Variants in UGGT2 observed in about 807,000 individuals in gnomAD.
UGGT2 encodes the protein UDP-glucose:glycoprotein glucosyltransferase 2.
Under a neutral mutation model 192.1 loss-of-function variants are expected in UGGT2, and 180 were observed. The observed-to-expected ratio is 0.94, with a 90% CI of 0.83 to 1.06. The LOEUF is 1.06. UGGT2 is among the 50% of genes least tolerant of loss of function. The pLI is 0.00. For synonymous variants in UGGT2, 580 were observed against 591.0 expected (o/e 0.98, Z 0.27); for missense variants, 1,849 against 1,795.7 (o/e 1.03, Z -0.54).
intron 17 of UGGT2, among the ~76,000 whole-genome samples, chr13:95,931,282 A>G (rs555378209): frequency 6.6e-6 from 1 of 152,226 alleles, no homozygotes; most frequent in East Asian, 1.9e-4. Flanking sequence ...ATCTTGAGCT[A>G]GACACAGAGT....
chr13:95,952,613 C>A (rs149312734), intron 12 of UGGT2, among the ~76,000 whole-genome samples: 1 of 152,018 alleles, frequency 6.6e-6, no homozygotes, highest in Non-Finnish European at 1.5e-5. Context: ...GCATGTGGAA[C>A]CCTTGGATAT....
intron 26 of UGGT2, among the ~76,000 whole-genome samples, chr13:95,885,982 G>C (rs2140207450): frequency 6.6e-6 from 1 of 152,134 alleles, no homozygotes; most frequent in East Asian, 1.9e-4. Flanking sequence ...AAAGTTAAGG[G>C]AGCAACTTTT....
At position 95,877,300 on chromosome 13, in the gene UGGT2, T is replaced by A; in HGVS notation, c.3452A>T (p.Glu1151Val). The change falls in exon 29 of 39, where the codon GAA (glutamate) becomes GTA (valine). Residue 1151 changes from glutamate (E) to valine (V), a missense_variant. Glu to Val is a moderately radical substitution (Grantham distance 121). Coordinates refer to ENST00000376747, the MANE Select transcript of UGGT2 (RefSeq NM_020121.4). ...WILRLHQGKS[E>V]DIYQIVGHEG... ...TCACCCAACTATTTGATAAATATCT[T>A]CAGATTTTCCTTGGTGTAACCTCAG... 2 of 1,602,614 alleles carry A rather than the reference T, an allele frequency of 1.2e-6. No homozygotes were observed. Among genetic ancestry groups the A allele is most frequent in the Non-Finnish European group, 1.7e-6 (2 of 1,175,992 alleles).
chr13:95,881,990 C>A (rs1266561268), intron 27 of UGGT2, among the ~76,000 whole-genome samples: 4 of 151,484 alleles, frequency 2.6e-5, no homozygotes, highest in African/African-American at 9.7e-5. Context: ...CTCACTGCAA[C>A]CTCTACCTCC....
intron 1 of UGGT2, among the ~76,000 whole-genome samples, chr13:96,045,256 G>A (rs544597842): frequency 3.3e-5 from 5 of 152,010 alleles, no homozygotes; most frequent in African/African-American, 9.7e-5. Context: ...CTCAATAGAC[G>A]CAGAAAAAGC....
chr13:96,004,883 T>C (rs890276806), intron 5 of UGGT2, among the ~76,000 whole-genome samples: 1 of 151,988 alleles, frequency 6.6e-6, no homozygotes, highest in Non-Finnish European at 1.5e-5. Context: ...TGGACAGATA[T>C]CAGAGGGCCT....
At chr13:96,007,317 A>C (rs1395973308) in intron 5 of UGGT2, among the ~76,000 whole-genome samples, 1 of 152,170 alleles carries the variant, frequency 6.6e-6, no homozygotes, top group African/African-American at 2.4e-5. Context: ...AATTAAGGCC[A>C]TATATGACAG....
intron 38 of UGGT2, among the ~76,000 whole-genome samples, chr13:95,816,653 T>C (rs1438525455): frequency 3.9e-5 from 6 of 152,240 alleles, no homozygotes; most frequent in Non-Finnish European, 8.8e-5. Flanking sequence ...ACTTATTCAA[T>C]GTATGGCACT....
At chr13:95,891,371 T>C (rs1377066445) in intron 24 of UGGT2, among the ~76,000 whole-genome samples, 1 of 152,106 alleles carries the variant, frequency 6.6e-6, no homozygotes, top group Non-Finnish European at 1.5e-5. Context: ...AATTTAGTAT[T>C]TCAAAAAATC....
At chr13:95,947,209 C>T in intron 14 of UGGT2, 37 bp from the exon 15 acceptor site, 1 of 1,529,650 alleles carries the variant, frequency 6.5e-7, no homozygotes, top group Non-Finnish European at 8.8e-7. Flanking sequence ...GTTATAATTA[C>T]CTCTTGAATC....
intron 24 of UGGT2, among the ~76,000 whole-genome samples, chr13:95,891,721 A>G (rs183069024): frequency 6.6e-6 from 1 of 152,292 alleles, no homozygotes; most frequent in Admixed American, 6.5e-5. Context: ...AGGATGAATT[A>G]ATTATACATT....
chr13:96,044,772 G>C (rs2053259255), intron 1 of UGGT2, among the ~76,000 whole-genome samples: 1 of 152,058 alleles, frequency 6.6e-6, no homozygotes, highest in South Asian at 2.1e-4. Flanking sequence ...TTCCTGGAAA[G>C]ATACAACCCT....
intron 17 of UGGT2, among the ~76,000 whole-genome samples, chr13:95,929,341 A>G (rs1289647785): frequency 3.9e-5 from 6 of 152,242 alleles, no homozygotes; most frequent in Non-Finnish European, 8.8e-5. Context: ...CAGATTGGTT[A>G]CAACACAGGT....
At chr13:95,981,147 C>A (rs2051111538) in intron 10 of UGGT2, among the ~76,000 whole-genome samples, 2 of 152,124 alleles carry the variant, frequency 1.3e-5, no homozygotes, top group African/African-American at 4.8e-5. Context: ...TGCAGTACCC[C>A]CAAGTGAGAA....
At chr13:95,914,472 A>G (rs1344548385) in intron 20 of UGGT2, among the ~76,000 whole-genome samples, 1 of 151,968 alleles carries the variant, frequency 6.6e-6, no homozygotes, top group Non-Finnish European at 1.5e-5. Flanking sequence ...AAGGATAATT[A>G]ATAGAATTAA....
At chr13:95,909,256 A>G (rs879891050) in intron 20 of UGGT2, among the ~76,000 whole-genome samples, 4 of 152,160 alleles carry the variant, frequency 2.6e-5, no homozygotes, top group Non-Finnish European at 5.9e-5. Context: ...TACTGGGTAT[A>G]TACCCAAAGG....
intron 10 of UGGT2, among the ~76,000 whole-genome samples, chr13:95,973,408 AGTGT>A (rs959995722): frequency 6.6e-5 from 10 of 152,142 alleles, no homozygotes; most frequent in East Asian, 3.9e-4. Context: ...CATTTCATAT[AGTGT>A]GTGTATGTGT....
intron 22 of UGGT2, 101 bp downstream of exon 22, chr13:95,900,706 C>G (rs1003450664): frequency 4.0e-5 from 52 of 1,307,220 alleles, no homozygotes; most frequent in South Asian, 1.8e-4. Context: ...ACACCGTCCT[C>G]TGTGTGTGTC....
At chr13:96,048,604 GAAGAA>G (rs1245395491) in intron 1 of UGGT2, among the ~76,000 whole-genome samples, 1 of 152,016 alleles carries the variant, frequency 6.6e-6, no homozygotes, top group Non-Finnish European at 1.5e-5. Context: ...GACTAATAAA[GAAGAA>G]AAGAGAAGAA....
Sources: gnomAD v4.1 joint callset for allele counts (sites outside exome capture counted in the v4.1 genomes callset) on GRCh38, gnomAD v4.1.1 for gene constraint, MANE v1.5 for transcripts, NCBI Gene and HGNC (gene_info 2026-07-23, HGNC 2026-07-21) for gene names.